The following ACTR2 variants were observed in gnomAD, a reference collection of about 807,000 sequenced individuals.
ACTR2 encodes actin-related protein 2.
Under a neutral mutation model 50.2 loss-of-function variants are expected in ACTR2, and 5 were observed. The observed-to-expected ratio is 0.10, with a 90% CI of 0.05 to 0.21. The LOEUF (loss-of-function observed/expected upper bound fraction) is 0.21. Among genes scored for constraint, ACTR2 ranks in the 10% least tolerant of loss-of-function variants. The pLI is 1.00. For synonymous variants in ACTR2, 140 were observed against 162.9 expected (o/e 0.86, Z 1.07); for missense variants, 180 against 480.6 (o/e 0.37, Z 5.85).
chr2:65,251,211 A>G lies in ACTR2; in HGVS notation c.448+112A>G, dbSNP rs1022950124. On this transcript the variant is annotated intron_variant, in intron 4 of 8. Transcript: ENST00000260641. The stretch of plus-strand genomic sequence containing the variant: ...GTTATAAGCCCCAGAAAACTACATT[A>G]TTTATATACCACACTTTGAAATATT... The G allele has an allele frequency of 1.1e-5, 6 of 546,744 alleles. No homozygotes were observed. The Admixed American group carries it at 2.2e-4, about 20-fold the overall frequency. 33.9% of individuals were successfully genotyped at this position (546,744 alleles called of 1,614,324 possible).
intron 3 of ACTR2, among the ~76,000 whole-genome samples, chr2:65,248,745 G>A (rs1313844052): frequency 2.6e-5 from 4 of 152,130 alleles, no homozygotes; most frequent in Non-Finnish European, 5.9e-5. Context: ...CGTTATTGAG[G>A]CCGGGCTAGG....
chr2:65,236,070 T>C lies in ACTR2; in HGVS notation c.49-3782T>C, dbSNP rs78877816. 2.7e-3 allele frequency among the ~76,000 whole-genome samples: 408 copies of C among 152,146 alleles called. 8 individuals carry two copies. The East Asian group carries it at 0.038, about 14-fold the overall frequency. On this transcript the variant is annotated intron_variant, in intron 1 of 8. Transcript: ENST00000260641. Reference sequence around the variant, plus strand: ...AAAACTCTGTTTTTAAAAGACTAAGTGGGGCCGGGTGCGGTGGCTTATGCC... The same window carrying C: ...AAAACTCTGTTTTTAAAAGACTAAGCGGGGCCGGGTGCGGTGGCTTATGCC...
chr2:65,245,188 A>G (rs1406911805), intron 2 of ACTR2, among the ~76,000 whole-genome samples: 1 of 150,602 alleles, frequency 6.6e-6, no homozygotes, highest in South Asian at 2.1e-4. Context: ...TTTTTTTTTT[A>G]ATTTAAAACT....
chr2:65,267,517 G>A (rs1193765287), intron 8 of ACTR2, among the ~76,000 whole-genome samples: 4 of 152,118 alleles, frequency 2.6e-5, no homozygotes, highest in African/African-American at 4.8e-5. Context: ...TTTGCAGATC[G>A]TGATACTGTA....
chr2:65,260,224 G>A, intron 6 of ACTR2, among the ~76,000 whole-genome samples: 1 of 152,194 alleles, frequency 6.6e-6, no homozygotes, highest in East Asian at 1.9e-4. Flanking sequence ...AATGTTTAAT[G>A]TGGCTAGGCG....
chr2:65,257,112 C>T (rs1028169374), intron 6 of ACTR2, among the ~76,000 whole-genome samples: 3 of 151,884 alleles, frequency 2.0e-5, no homozygotes, highest in Admixed American at 2.0e-4. Context: ...CGCCCCCCAC[C>T]CAACAGGCCC....
At chr2:65,249,990 C>G (rs1389141984) in intron 3 of ACTR2, among the ~76,000 whole-genome samples, 1 of 152,072 alleles carries the variant, frequency 6.6e-6, no homozygotes, top group Non-Finnish European at 1.5e-5. Context: ...TCAGGGTAGA[C>G]AGAGCTACAC....
intron 4 of ACTR2, among the ~76,000 whole-genome samples, chr2:65,253,445 CAA>C (rs1323520657): frequency 1.4e-5 from 2 of 139,314 alleles, no homozygotes; most frequent in Non-Finnish European, 1.6e-5. Flanking sequence ...GACCCTGTCT[CAA>C]AAAAAAAAAG....
intron 6 of ACTR2, among the ~76,000 whole-genome samples, chr2:65,259,947 A>G (rs1476216399): frequency 2.0e-5 from 3 of 152,310 alleles, no homozygotes; most frequent in Non-Finnish European, 4.4e-5. Flanking sequence ...TTTTTGTACA[A>G]AGTCATAATA....
chr2:65,265,585 T>G (rs1672354388), intron 8 of ACTR2, among the ~76,000 whole-genome samples: 1 of 152,258 alleles, frequency 6.6e-6, no homozygotes, highest in Non-Finnish European at 1.5e-5. Flanking sequence ...CTTTATTTGT[T>G]GCATATGTTG....
chr2:65,242,758 T>C (rs1671865087), intron 2 of ACTR2: 1 of 381,294 alleles, frequency 2.6e-6, no homozygotes, highest in African/African-American at 2.1e-5. Flanking sequence ...CTCTTCATTG[T>C]ATTTTTCTGT....
Position 65,265,162 on chromosome 2 carries a change from T to G in ACTR2, c.1001T>G (p.Val334Gly). Residue 334 changes from valine to glycine, a missense_variant, in exon 8 of 9, where the codon GTG becomes GGG. Physicochemically the swap from Val to Gly is moderately radical, Grantham distance 109. Coordinates refer to ENST00000260641, the MANE Select transcript of ACTR2 (RefSeq NM_005722.4). ...TTAGAACGAGTTTTGAAGGGTGATG[T>G]GGAAAAACTTTCTGTAAGTATTAGT... ...LYLERVLKGDVEKLSKFKIRI... is the reference protein window; with the variant it reads ...LYLERVLKGDGEKLSKFKIRI... 1 of 1,614,186 alleles carries G rather than the reference T, an allele frequency of 6.2e-7. No homozygotes were observed. Among genetic ancestry groups the G allele is most frequent in the Non-Finnish European group, 8.5e-7 (1 of 1,180,024 alleles).
rs2104030883 is a variant in ACTR2, at chr2:65,270,366, A to C, written c.*1632A>C. On this transcript the variant is annotated 3_prime_UTR_variant, in exon 9 of 9. Transcript: ENST00000260641. Reference sequence around the variant, plus strand: ...AATTATGTAGCTTCTGTTAATATTAAGTGTTTTTTGTCTGTTTTACCTCAA... The same window carrying C: ...AATTATGTAGCTTCTGTTAATATTACGTGTTTTTTGTCTGTTTTACCTCAA... 1 of 152,732 alleles carries C rather than the reference A, an allele frequency of 6.5e-6. No homozygotes were observed. The highest frequency in any genetic ancestry group is 1.5e-5 in the Non-Finnish European group (1 of 68,024). 9.5% of individuals were successfully genotyped at this position (152,732 alleles called of 1,614,324 possible). A position where few individuals can be genotyped will look rare whatever the true frequency, so the allele number is the denominator to read the frequency against.
At position 65,247,505 on chromosome 2, in the gene ACTR2, G is replaced by A. The variant is rs1042495708; in HGVS notation, c.375+766G>A. On this transcript the variant is annotated intron_variant, in intron 3 of 8. Transcript: ENST00000260641. ...CAGGAGGCTGAGGCAGGAGAATGACGTGAACCCTTGAGGCAGAGCTTGCAG... is the reference window on the plus strand; with the variant it reads ...CAGGAGGCTGAGGCAGGAGAATGACATGAACCCTTGAGGCAGAGCTTGCAG... 2.6e-5 allele frequency among the ~76,000 whole-genome samples: 4 copies of A among 152,094 alleles called. No homozygotes were observed. The East Asian group carries it at 5.8e-4, about 22-fold the overall frequency.
In ACTR2 at chr2:65,239,194, C is replaced by G. The variant is rs181871641; in HGVS notation, c.49-658C>G. Among the ~76,000 whole-genome samples, 502 of 152,358 alleles carry G rather than the reference C, an allele frequency of 3.3e-3. 1 individual carries two copies. Among genetic ancestry groups the G allele is most frequent in the Non-Finnish European group, 5.9e-3 (399 of 68,036 alleles). ...ATTTTGCCGGGCATGGTGGCTCACG[C>G]CTGTAATCCCAGCACTTTGGGACGC... On this transcript the variant is annotated intron_variant, in intron 1 of 8. Coordinates refer to ENST00000260641, the MANE Select transcript of ACTR2 (RefSeq NM_005722.4).
chr2:65,250,878 A>C (rs1378514145), intron 3 of ACTR2, 149 bp from the exon 4 acceptor site: 2 of 491,796 alleles, frequency 4.1e-6, no homozygotes. Context: ...TCAATAAGAA[A>C]TAAGAGGAGC....
chr2:65,229,692 G>A (rs959035926), intron 1 of ACTR2, among the ~76,000 whole-genome samples: 5 of 145,058 alleles, frequency 3.4e-5, no homozygotes, highest in Non-Finnish European at 6.0e-5. Flanking sequence ...GTAGGCGGAG[G>A]TTGCAGTGAG....
At chr2:65,240,491 A>G (rs1343696411) in intron 2 of ACTR2, among the ~76,000 whole-genome samples, 1 of 152,182 alleles carries the variant, frequency 6.6e-6, no homozygotes, top group Non-Finnish European at 1.5e-5. Flanking sequence ...GAAGCCATTC[A>G]AGCCTTTATT....
chr2:65,236,802 A>C (rs893243517), intron 1 of ACTR2, among the ~76,000 whole-genome samples: 1 of 152,076 alleles, frequency 6.6e-6, no homozygotes, highest in African/African-American at 2.4e-5. Context: ...GGCTGATCTC[A>C]AACTTCTGGC....
Sources: allele counts gnomAD v4.1 joint callset (sites outside exome capture counted in the v4.1 genomes callset), GRCh38; gene constraint gnomAD v4.1.1; transcripts MANE v1.5; gene names NCBI Gene and HGNC (gene_info 2026-07-23, HGNC 2026-07-21).